Variants in MAN2A1 observed in about 807,000 individuals in gnomAD.
MAN2A1 encodes the protein mannosidase alpha class 2A member 1.
MAN2A1 carries 76 observed loss-of-function variants against 142.6 expected under a neutral mutation model. That is an observed-to-expected ratio of 0.53 (90% CI 0.44 to 0.65). MAN2A1 has a LOEUF of 0.65. Ranked by LOEUF, MAN2A1 falls within the 30% of genes least tolerant of loss-of-function variation. The pLI is 0.00. For synonymous variants in MAN2A1, 559 were observed against 473.2 expected, an observed-to-expected ratio of 1.18 and a Z score of -2.35; for missense variants, 1,311 against 1,365.1, an observed-to-expected ratio of 0.96 and a Z score of 0.62.
chr5:109,810,439 A>G (rs770182475), intron 12 of MAN2A1, among the ~76,000 whole-genome samples: 2 of 152,286 alleles, frequency 1.3e-5, no homozygotes, highest in East Asian at 1.9e-4. Context: ...TGTAGGCCCT[A>G]TCCCCTGGTG....
chr5:109,835,291 C>G (rs1156646337), intron 16 of MAN2A1, among the ~76,000 whole-genome samples: 23 of 152,122 alleles, frequency 1.5e-4, no homozygotes, highest in Non-Finnish European at 1.5e-5. Context: ...CTATTATTAT[C>G]CTACTTCTGC....
At chr5:109,736,745 C>G (rs979812023) in intron 4 of MAN2A1, among the ~76,000 whole-genome samples, 3 of 152,066 alleles carry the variant, frequency 2.0e-5, no homozygotes, top group African/African-American at 7.2e-5. Context: ...ACCTTACCCT[C>G]CTAGAACCTG....
chr5:109,763,487 T>G (rs1192734147), intron 5 of MAN2A1, among the ~76,000 whole-genome samples: 1 of 151,516 alleles, frequency 6.6e-6, no homozygotes, highest in Non-Finnish European at 1.5e-5. Context: ...TGTTTTCTTT[T>G]TTTTTTATTT....
chr5:109,840,874 G>A (rs552575797), intron 16 of MAN2A1, among the ~76,000 whole-genome samples: 4 of 151,754 alleles, frequency 2.6e-5, no homozygotes, highest in East Asian at 3.9e-4. Context: ...CATGGGGCCT[G>A]CATTTACACT....
intron 18 of MAN2A1, among the ~76,000 whole-genome samples, chr5:109,846,679 A>G (rs1315580264): frequency 1.3e-5 from 2 of 152,172 alleles, no homozygotes; most frequent in African/African-American, 4.8e-5. Flanking sequence ...TACATATCTG[A>G]AGGAGCCAGA....
chr5:109,800,821 A>T (rs1754008798), intron 12 of MAN2A1, among the ~76,000 whole-genome samples: 1 of 152,048 alleles, frequency 6.6e-6, no homozygotes, highest in Non-Finnish European at 1.5e-5. Flanking sequence ...GGTACATAGG[A>T]GGTGTTTGCT....
At chr5:109,748,899 A>C (rs1449662954) in intron 4 of MAN2A1, among the ~76,000 whole-genome samples, 1 of 151,624 alleles carries the variant, frequency 6.6e-6, no homozygotes, top group Non-Finnish European at 1.5e-5. Context: ...TTTAAAACAA[A>C]TCTTTTTCCC....
Position 109,855,237 on chromosome 5 carries a change from C to T in MAN2A1, c.3074C>T (p.Ser1025Phe), listed in dbSNP as rs200723635. Residue 1025 changes from serine to phenylalanine, a missense_variant, in exon 20 of 22, where the codon TCC becomes TTC. Around this residue, in one of 3 missense-constraint regions of MAN2A1, gnomAD observed 890 missense variants for 920.5 expected, o/e 0.97. Coordinates refer to ENST00000261483, the MANE Select transcript of MAN2A1 (RefSeq NM_002372.4). ...GTCATTCCAATGGCAAATAAGTTCTCCTCACCTACCCTTGAGCTGCAAGGT... is the reference window on the plus strand; with the variant it reads ...GTCATTCCAATGGCAAATAAGTTCTTCTCACCTACCCTTGAGCTGCAAGGT... ...HPVIPMANKF[S>F]SPTLELQGEF... 7 of 1,062,898 alleles carry T rather than the reference C, an allele frequency of 6.6e-6. No individual in the cohort carries two copies. Among genetic ancestry groups the T allele is most frequent in the South Asian group, 2.5e-5 (1 of 40,814 alleles). The allele number at this position is 1,062,898 out of a possible 1,614,324, so 65.8% of individuals were successfully genotyped here. A position where few individuals can be genotyped will look rare whatever the true frequency, so the allele number is the denominator to read the frequency against.
chr5:109,728,832 A>T (rs999582), intron 3 of MAN2A1, among the ~76,000 whole-genome samples: 1 of 152,088 alleles, frequency 6.6e-6, no homozygotes, highest in Non-Finnish European at 1.5e-5. Flanking sequence ...TAATTACCTT[A>T]TTGGTCTGCT....
chr5:109,788,798 G>A, intron 10 of MAN2A1, 136 bp from the exon 11 acceptor site: 1 of 578,878 alleles, frequency 1.7e-6, no homozygotes, highest in South Asian at 2.3e-5. Flanking sequence ...GAGCAGGTTT[G>A]TCATAGATTC....
Position 109,820,353 on chromosome 5 carries a change from C to G in MAN2A1, c.2451+11C>G. On this transcript the variant is annotated intron_variant, in intron 15 of 21. Transcript: ENST00000261483. ...GATGGTAATGCCAAGGTAAGTGGTA[C>G]TGATGAGATGACAAATGGAATAAAC... 6.3e-7 allele frequency: 1 copy of G among 1,599,162 alleles called. No homozygotes were observed. Among genetic ancestry groups the G allele is most frequent in the Non-Finnish European group, 8.5e-7 (1 of 1,174,798 alleles).
At position 109,707,830 on chromosome 5, in the gene MAN2A1, CTAGG is replaced by C. The variant is rs1751179586; in HGVS notation, c.136-5686_136-5683del. On this transcript the variant is annotated intron_variant, in intron 1 of 21. Coordinates refer to ENST00000261483, the MANE Select transcript of MAN2A1 (RefSeq NM_002372.4). ...ATGTTTTGATTTTGAGGGTGCCTAA[CTAGG>C]TAGAGATTAAAGCCCTTTACTGGAG... 2.6e-5 allele frequency among the ~76,000 whole-genome samples: 4 copies of C among 152,234 alleles called. No individual in the cohort carries two copies. In the South Asian group the frequency reaches 8.3e-4, roughly 32 times the overall value.
chr5:109,808,327 G>T (rs1047967002), intron 12 of MAN2A1, among the ~76,000 whole-genome samples: 44 of 152,144 alleles, frequency 2.9e-4, no homozygotes, highest in African/African-American at 1.0e-3. Context: ...GCTATTAAAA[G>T]GATTTCTAGC....
At chr5:109,739,029 A>G (rs578261132) in intron 4 of MAN2A1, among the ~76,000 whole-genome samples, 4 of 152,004 alleles carry the variant, frequency 2.6e-5, no homozygotes, top group African/African-American at 9.6e-5. Context: ...TTTTGTAGAG[A>G]TGAGATTTTG....
intron 12 of MAN2A1, among the ~76,000 whole-genome samples, chr5:109,792,919 G>A (rs1753771133): frequency 6.6e-6 from 1 of 152,060 alleles, no homozygotes; most frequent in African/African-American, 2.4e-5. Flanking sequence ...TCAAAAGTGA[G>A]TTTTCTGGGT....
rs1234331839 is a variant in MAN2A1 at position 109,722,529 on chromosome 5, C to G, written c.535+6265C>G. Among the ~76,000 whole-genome samples, 10 of 152,306 alleles carry G rather than the reference C, an allele frequency of 6.6e-5. No individual in the cohort carries two copies. In the East Asian group the frequency reaches 1.5e-3, roughly 24 times the overall value. ...TCCCAGGTTCAAGCAATTCTCCTGC[C>G]TCAGCCACCTGAGTAGCTGGGATTA... On this transcript the variant is annotated intron_variant, in intron 3 of 21. Coordinates refer to ENST00000261483, the MANE Select transcript of MAN2A1 (RefSeq NM_002372.4).
chr5:109,816,688 G>A (rs1754469982), intron 12 of MAN2A1, among the ~76,000 whole-genome samples: 1 of 152,076 alleles, frequency 6.6e-6, no homozygotes. Flanking sequence ...TTTATTCTGT[G>A]AGATTAGGTA....
rs1365059540 is a variant in MAN2A1, at chr5:109,770,431, T to C, written c.1086T>C (p.Pro362=). The C allele has an allele frequency of 6.2e-7, 1 of 1,614,042 alleles. No individual in the cohort carries two copies. ...YSYDIPHTCG[P]DPKICCQFDF... is the part of the protein sequence containing the mutation. ...ATGACATCCCTCACACTTGTGGACC[T>C]GATCCTAAAATATGCTGCCAGTTTG... Residue 362 remains proline, a synonymous_variant, in exon 7 of 22, where the codon CCT becomes CCC. Transcript: ENST00000261483.
Position 109,845,416 on chromosome 5 carries a change from A to T in MAN2A1, c.2701-449A>T, listed in dbSNP as rs1445321973. Reference sequence around the variant, plus strand: ...ATATCTTAGAAGATTTGGTGCAGAGACCTGTGGTATTTATTAAAACCAATT... The same window carrying T: ...ATATCTTAGAAGATTTGGTGCAGAGTCCTGTGGTATTTATTAAAACCAATT... On this transcript the variant is annotated intron_variant, in intron 17 of 21. Coordinates refer to ENST00000261483, the MANE Select transcript of MAN2A1 (RefSeq NM_002372.4). 2.0e-5 allele frequency among the ~76,000 whole-genome samples: 3 copies of T among 152,236 alleles called. No homozygotes were observed. In the East Asian group the frequency reaches 5.8e-4, roughly 29 times the overall value.
Sources: allele counts gnomAD v4.1 joint callset (sites outside exome capture counted in the v4.1 genomes callset), GRCh38; gene constraint gnomAD v4.1.1; regional missense constraint gnomAD v4.1.1; transcripts MANE v1.5; gene names NCBI Gene and HGNC (gene_info 2026-07-23, HGNC 2026-07-21).